CPE: variants seen among roughly 807,000 people sequenced by gnomAD.
The protein encoded by CPE is carboxypeptidase E.
In CPE, 17 loss-of-function variants were observed where a neutral mutation model predicts 53.5. That is an observed-to-expected ratio of 0.32 (90% confidence interval 0.22 to 0.48). The LOEUF is 0.48. CPE is among the 20% of genes least tolerant of loss of function. The pLI is 0.99. For missense variants in CPE, 524 were observed against 614.7 expected, an observed-to-expected ratio of 0.85 and a Z score of 1.56; for synonymous variants, 226 against 228.8, an observed-to-expected ratio of 0.99 and a Z score of 0.11.
intron 1 of CPE, among the ~76,000 whole-genome samples, chr4:165,382,126 T>G (rs1038824709): frequency 6.9e-6 from 1 of 144,052 alleles, no homozygotes; most frequent in East Asian, 2.0e-4. Flanking sequence ...TCAGGGAGAC[T>G]GGATTATTGA....
At chr4:165,464,734 C>A in intron 2 of CPE, 148 bp downstream of exon 2, 1 of 594,060 alleles carries the variant, frequency 1.7e-6, no homozygotes, top group South Asian at 4.2e-5. Context: ...TTCAACTCAC[C>A]AGTAAGAAAA....
intron 1 of CPE, among the ~76,000 whole-genome samples, chr4:165,412,500 A>T (rs13149691): frequency 0.29 from 43,644 of 152,028 alleles, 6,413 homozygotes; most frequent in Middle Eastern, 0.4. Flanking sequence ...AGTTACTATT[A>T]TTATCTCGAT....
chr4:165,460,728 A>T (rs1731984466), intron 1 of CPE, among the ~76,000 whole-genome samples: 1 of 152,106 alleles, frequency 6.6e-6, no homozygotes, highest in Admixed American at 6.5e-5. Flanking sequence ...CCATTCATTT[A>T]CTCTTTCATT....
At chr4:165,429,498 T>C (rs1731374088) in intron 1 of CPE, among the ~76,000 whole-genome samples, 1 of 151,340 alleles carries the variant, frequency 6.6e-6, no homozygotes, top group South Asian at 2.1e-4. Flanking sequence ...AGCCCAGGAG[T>C]TTGAGACCAG....
chr4:165,383,988 C>G (rs1236750634), intron 1 of CPE, among the ~76,000 whole-genome samples: 3 of 152,178 alleles, frequency 2.0e-5, no homozygotes, highest in Non-Finnish European at 4.4e-5. Flanking sequence ...GGGCTTGCCC[C>G]TACATGATAG....
At chr4:165,418,573 A>G (rs1222667344) in intron 1 of CPE, among the ~76,000 whole-genome samples, 1 of 152,236 alleles carries the variant, frequency 6.6e-6, no homozygotes, top group Non-Finnish European at 1.5e-5. Flanking sequence ...GCGTTATTCC[A>G]TTAGAATAGA....
intron 1 of CPE, 89 bp from the exon 2 acceptor site, chr4:165,464,301 C>A: frequency 9.5e-7 from 1 of 1,055,626 alleles, no homozygotes; most frequent in Non-Finnish European, 1.3e-6. Context: ...AAAAACCCAT[C>A]AGATATTCAT....
At chr4:165,493,131 T>G (rs1179851679) in intron 6 of CPE, 40 bp from the exon 7 acceptor site, 1 of 1,279,660 alleles carries the variant, frequency 7.8e-7, no homozygotes, top group South Asian at 1.2e-5. Flanking sequence ...TATAAATTTA[T>G]AGGTCATATT....
intron 1 of CPE, among the ~76,000 whole-genome samples, chr4:165,429,639 A>G (rs1477050141): frequency 6.6e-6 from 1 of 151,896 alleles, no homozygotes; most frequent in African/African-American, 2.4e-5. Flanking sequence ...GAAGTGGAGG[A>G]TGCAATGAAT....
chr4:165,385,811 A>C (rs138763290), intron 1 of CPE, among the ~76,000 whole-genome samples: 45 of 152,292 alleles, frequency 3.0e-4, no homozygotes, highest in African/African-American at 1.1e-3. Flanking sequence ...CGGCAATATC[A>C]ACATTTTCAT....
intron 3 of CPE, among the ~76,000 whole-genome samples, chr4:165,477,679 G>T (rs11100614): frequency 0.28 from 42,652 of 151,226 alleles, 6,568 homozygotes; most frequent in African/African-American, 0.41. Context: ...AATCAAATCA[G>T]ATTAATAGAA....
intron 7 of CPE, 148 bp downstream of exon 7, chr4:165,493,418 T>A: frequency 1.7e-6 from 1 of 593,656 alleles, no homozygotes; most frequent in Non-Finnish European, 2.8e-6. Flanking sequence ...TGAAGTTTCC[T>A]TTGTGGGCTC....
chr4:165,467,881 G>C (rs766913324), intron 3 of CPE, 26 bp downstream of exon 3: 3 of 1,610,430 alleles, frequency 1.9e-6, no homozygotes, highest in Non-Finnish European at 2.5e-6. Flanking sequence ...TAGTCTTCTT[G>C]GGTTCGTCTC....
At chr4:165,439,297 T>G (rs201019607) in intron 1 of CPE, among the ~76,000 whole-genome samples, 1 of 60,926 alleles carries the variant, frequency 1.6e-5, no homozygotes, top group Non-Finnish European at 3.6e-5. Context: ...AACTTTAAAA[T>G]TTTAGTAAGG....
chr4:165,418,649 T>A (rs1204681232), intron 1 of CPE, among the ~76,000 whole-genome samples: 1 of 152,222 alleles, frequency 6.6e-6, no homozygotes, highest in African/African-American at 2.4e-5. Flanking sequence ...TAAAAGCAGT[T>A]GAACTTGTAT....
intron 1 of CPE, among the ~76,000 whole-genome samples, chr4:165,451,299 G>C (rs1206878654): frequency 6.6e-6 from 1 of 152,018 alleles, no homozygotes; most frequent in African/African-American, 2.4e-5. Context: ...TATTCCTGTT[G>C]GAAGTTTCTA....
chr4:165,394,220 T>G (rs1579241056), intron 1 of CPE, among the ~76,000 whole-genome samples: 1 of 152,162 alleles, frequency 6.6e-6, no homozygotes, highest in Admixed American at 6.5e-5. Flanking sequence ...AGTGCTTTAA[T>G]TTTGCTTTGA....
chr4:165,384,736 CTG>C (rs138321673), intron 1 of CPE, among the ~76,000 whole-genome samples: 89 of 152,320 alleles, frequency 5.8e-4, no homozygotes, highest in African/African-American at 2.1e-3. Context: ...TCACATGAGA[CTG>C]GATGTAGAAC....
At position 165,379,831 on chromosome 4, in the gene CPE, G is replaced by C. The variant is rs1269289082; in HGVS notation, c.307+303G>C. 2.0e-5 allele frequency among the ~76,000 whole-genome samples: 3 copies of C among 152,204 alleles called. No homozygotes were observed. Among genetic ancestry groups the C allele is most frequent in the Non-Finnish European group, 4.4e-5 (3 of 68,040 alleles). On this transcript the variant is annotated intron_variant, in intron 1 of 8. Coordinates refer to ENST00000402744, the MANE Select transcript of CPE (RefSeq NM_001873.4). This position sits in a 1 kb window ranked among gnomAD's most constrained non-coding sequence, Gnocchi z 6.0. Reference sequence around the variant, plus strand: ...GGGAGGCTGGGGTGGCGGGGGATGGGGGGGATAGCAATACAGAAAAAACAA... The same window carrying C: ...GGGAGGCTGGGGTGGCGGGGGATGGCGGGGATAGCAATACAGAAAAAACAA...
Sources: allele counts gnomAD v4.1 joint callset (sites outside exome capture counted in the v4.1 genomes callset), GRCh38; gene constraint gnomAD v4.1.1; non-coding constraint Gnocchi (gnomAD v3.1); transcripts MANE v1.5; gene names NCBI Gene and HGNC (gene_info 2026-07-23, HGNC 2026-07-21).